Variants in PBX1 observed in about 807,000 individuals in gnomAD.
PBX1 encodes the protein pre-B-cell leukemia transcription factor 1.
Under a neutral mutation model 53.4 loss-of-function variants are expected in PBX1, and 6 were observed. That is an observed-to-expected ratio of 0.11 (90% CI 0.06 to 0.22). PBX1 has a LOEUF of 0.22. Among genes scored for constraint, PBX1 ranks in the 10% least tolerant of loss-of-function variants. PBX1 has a pLI of 1.00. For synonymous variants in PBX1, 204 were observed against 212.3 expected, an observed-to-expected ratio of 0.96 and a Z score of 0.34; for missense variants, 251 against 551.4, an observed-to-expected ratio of 0.46 and a Z score of 5.46.
intron 2 of PBX1, among the ~76,000 whole-genome samples, chr1:164,865,902 G>A (rs1571543137): frequency 6.6e-6 from 1 of 152,158 alleles, no homozygotes; most frequent in South Asian, 2.1e-4. Flanking sequence ...CATCTTTGCT[G>A]CATTAAAGTA....
chr1:164,594,067 A>T (rs936893581), intron 2 of PBX1, among the ~76,000 whole-genome samples: 1 of 152,174 alleles, frequency 6.6e-6, no homozygotes, highest in Admixed American at 6.5e-5. Flanking sequence ...CTTAATTTCT[A>T]TAGCACTTTA....
At chr1:164,673,956 T>C (rs1172047128) in intron 2 of PBX1, among the ~76,000 whole-genome samples, 1 of 152,146 alleles carries the variant, frequency 6.6e-6, no homozygotes, top group East Asian at 1.9e-4. Flanking sequence ...GGGATGGGGC[T>C]ATGAATATCG....
chr1:164,813,712 T>C lies in PBX1; in HGVS notation c.997+1563T>C, dbSNP rs532577707. 1.3e-5 allele frequency: 2 copies of C among 152,380 alleles called. 1 individual carries two copies. The highest frequency in any genetic ancestry group is 4.8e-5 in the African/African-American group (2 of 41,596). The allele number at this position is 152,380 out of a possible 1,614,324, so 9.4% of individuals were successfully genotyped here. ...TTTTCCTGTCCCTGGTATATCTGCA[T>C]CGCAGATGGCTTAGCATGATTTATG... On this transcript the variant is annotated intron_variant, in intron 6 of 8. Transcript: ENST00000420696.
Position 164,848,820 on chromosome 1 carries a change from A to G in PBX1, c.*2144A>G, listed in dbSNP as rs1671693083. The G allele has an allele frequency of 1.9e-6, 2 of 1,063,722 alleles. No homozygotes were observed. The highest frequency in any genetic ancestry group is 2.3e-6 in the Non-Finnish European group (2 of 878,408). The allele number at this position is 1,063,722 out of a possible 1,614,324, so 65.9% of individuals were successfully genotyped here. A position where few individuals can be genotyped will look rare whatever the true frequency, so the allele number is the denominator to read the frequency against. On this transcript the variant is annotated 3_prime_UTR_variant, in exon 9 of 9. Coordinates refer to ENST00000420696, the MANE Select transcript of PBX1 (RefSeq NM_002585.4). ...ATTCTGCTTGGCACTACAGTCATAA[A>G]TAGAAAACACTGTGTGTGCTCAGGG... is the stretch of plus-strand genomic sequence containing the variant.
rs185938993 is a variant in PBX1 at position 164,642,481 on chromosome 1, A to G, written c.265+79170A>G. On this transcript the variant is annotated intron_variant, in intron 2 of 8. Transcript: ENST00000420696. Reference sequence around the variant, plus strand: ...TGTCTCAATGGTTGATTAGGAGACCATATCCTTCAGGAGTCATGTTGAAAC... The same window carrying G: ...TGTCTCAATGGTTGATTAGGAGACCGTATCCTTCAGGAGTCATGTTGAAAC... 3.9e-5 allele frequency among the ~76,000 whole-genome samples: 6 copies of G among 152,328 alleles called. No individual in the cohort carries two copies. In the East Asian group the frequency reaches 9.6e-4, roughly 24 times the overall value.
chr1:164,661,617 G>A (rs1256857474), intron 2 of PBX1, among the ~76,000 whole-genome samples: 3 of 151,918 alleles, frequency 2.0e-5, no homozygotes, highest in African/African-American at 7.3e-5. Context: ...AGTAGAGACG[G>A]GGTTTCACCA....
chr1:164,697,030 G>T (rs925370359), intron 2 of PBX1, among the ~76,000 whole-genome samples: 1 of 152,120 alleles, frequency 6.6e-6, no homozygotes, highest in East Asian at 1.9e-4. Context: ...TCTCAATACT[G>T]CAAGTGGGGA....
intron 2 of PBX1, among the ~76,000 whole-genome samples, chr1:164,694,852 C>A (rs1433661401): frequency 6.6e-6 from 1 of 152,208 alleles, no homozygotes; most frequent in Non-Finnish European, 1.5e-5. Context: ...CATCTGCTGT[C>A]ATCCTAAGTC....
At chr1:164,720,824 C>T (rs1664362927) in intron 2 of PBX1, among the ~76,000 whole-genome samples, 2 of 152,144 alleles carry the variant, frequency 1.3e-5, no homozygotes, top group South Asian at 4.1e-4. Context: ...TGGAACATTG[C>T]TTGTTTAGCC....
At chr1:164,785,027 G>A (rs1342744952) in intron 2 of PBX1, among the ~76,000 whole-genome samples, 2 of 152,132 alleles carry the variant, frequency 1.3e-5, no homozygotes, top group Non-Finnish European at 2.9e-5. Flanking sequence ...GAGACAACCC[G>A]GGGGAACAAG....
chr1:164,847,782 G>A lies in PBX1; in HGVS notation c.*1106G>A. 1.9e-6 allele frequency: 2 copies of A among 1,053,064 alleles called. No individual in the cohort carries two copies. The highest frequency in any genetic ancestry group is 2.3e-6 in the Non-Finnish European group (2 of 871,686). The allele number at this position is 1,053,064 out of a possible 1,614,324, so 65.2% of individuals were successfully genotyped here. On this transcript the variant is annotated 3_prime_UTR_variant, in exon 9 of 9. Coordinates refer to ENST00000420696, the MANE Select transcript of PBX1 (RefSeq NM_002585.4). ...TGAAGGTCACTGACACAGAGAAGCAGTATGTGTCTGGGGCTTCCAGGACCT... is the reference window on the plus strand; with the variant it reads ...TGAAGGTCACTGACACAGAGAAGCAATATGTGTCTGGGGCTTCCAGGACCT...
intron 2 of PBX1, among the ~76,000 whole-genome samples, chr1:164,871,496 C>A (rs1306262529): frequency 6.6e-6 from 1 of 152,218 alleles, no homozygotes; most frequent in African/African-American, 2.4e-5. Context: ...TTTCCTGAAC[C>A]GATCAAAATC....
chr1:164,879,786 CTTATT>C (rs1225309584), intron 2 of PBX1, among the ~76,000 whole-genome samples: 6 of 152,196 alleles, frequency 3.9e-5, no homozygotes, highest in African/African-American at 1.2e-4. Flanking sequence ...TTCAAATCTA[CTTATT>C]TTAACAATAC....
At chr1:164,872,403 A>T (rs954749173) in intron 2 of PBX1, among the ~76,000 whole-genome samples, 23 of 152,192 alleles carry the variant, frequency 1.5e-4, no homozygotes, top group African/African-American at 5.5e-4. Context: ...ATCACAAGGG[A>T]TCTAATCCAT....
intron 2 of PBX1, among the ~76,000 whole-genome samples, chr1:164,631,744 A>G (rs993159103): frequency 6.6e-6 from 1 of 152,276 alleles, no homozygotes; most frequent in African/African-American, 2.4e-5. Context: ...TAATGTGCAT[A>G]TGAAATCCGT....
chr1:164,835,566 G>A (rs982378052), intron 8 of PBX1, among the ~76,000 whole-genome samples: 1 of 152,076 alleles, frequency 6.6e-6, no homozygotes, highest in Admixed American at 6.6e-5. Flanking sequence ...TTGCTAGTGC[G>A]ATTGAACATT....
At chr1:164,783,410 G>A (rs1210143950) in intron 2 of PBX1, among the ~76,000 whole-genome samples, 4 of 152,084 alleles carry the variant, frequency 2.6e-5, no homozygotes, top group East Asian at 1.9e-4. Flanking sequence ...ATTTGTGTGC[G>A]TGCGTGTATG....
chr1:164,559,265 G>T lies in PBX1; in HGVS notation c.-558G>T. The T allele has an allele frequency of 5.3e-6, 1 of 187,410 alleles. No homozygotes were observed. The allele number at this position is 187,410 out of a possible 1,614,324, so 11.6% of individuals were successfully genotyped here. On this transcript the variant is annotated 5_prime_UTR_variant, in exon 1 of 9. Transcript: ENST00000420696. Reference sequence around the variant, plus strand: ...GAGAGCCTGTGCTTTGCCTGCCGCCGCGGCTGGGGGAGATCTGGCTTTTGC... The same window carrying T: ...GAGAGCCTGTGCTTTGCCTGCCGCCTCGGCTGGGGGAGATCTGGCTTTTGC...
chr1:164,629,047 T>C (rs1658233707), intron 2 of PBX1, among the ~76,000 whole-genome samples: 1 of 152,150 alleles, frequency 6.6e-6, no homozygotes. Flanking sequence ...TGGACTGACC[T>C]CAAACACTCA....
Sources: allele counts gnomAD v4.1 joint callset (sites outside exome capture counted in the v4.1 genomes callset), GRCh38; gene constraint gnomAD v4.1.1; transcripts MANE v1.5; gene names NCBI Gene and HGNC (gene_info 2026-07-23, HGNC 2026-07-21).